The following PPP1R9A variants were observed in gnomAD, a reference collection of about 807,000 sequenced individuals.
PPP1R9A encodes neurabin-1.
In PPP1R9A, 59 loss-of-function variants were observed where a neutral mutation model predicts 141.9. The observed-to-expected ratio is 0.42, with a 90% CI of 0.34 to 0.52. PPP1R9A has a LOEUF of 0.52. Among genes scored for constraint, PPP1R9A ranks in the 20% least tolerant of loss-of-function variants. PPP1R9A has a pLI of 0.10. For missense variants in PPP1R9A, 1,444 were observed against 1,611.9 expected, an observed-to-expected ratio of 0.90 and a Z score of 1.78; for synonymous variants, 500 against 569.7, an observed-to-expected ratio of 0.88 and a Z score of 1.74.
Position 95,051,315 on chromosome 7 carries a change from A to G in PPP1R9A, c.1396-59944A>G, listed in dbSNP as rs115294410. 3.8e-3 allele frequency among the ~76,000 whole-genome samples: 576 copies of G among 152,122 alleles called. 6 individuals carry two copies. Among genetic ancestry groups the G allele is most frequent in the African/African-American group, 0.013 (544 of 41,494 alleles). On this transcript the variant is annotated intron_variant, in intron 2 of 19. Coordinates refer to ENST00000433360, the MANE Select transcript of PPP1R9A (RefSeq NM_001166160.2). ...AGCATATTTATATGGGTGTGTTTCT[A>G]GGCTATCGTGTACAATTGATCTGTT...
At chr7:94,928,457 G>A (rs779594255) in intron 2 of PPP1R9A, among the ~76,000 whole-genome samples, 40 of 152,246 alleles carry the variant, frequency 2.6e-4, no homozygotes, top group Non-Finnish European at 4.0e-4. Flanking sequence ...TTTTCTCTCT[G>A]TTCTTTCAGT....
intron 2 of PPP1R9A, among the ~76,000 whole-genome samples, chr7:95,032,263 A>G (rs1807793230): frequency 1.3e-5 from 2 of 152,188 alleles, no homozygotes; most frequent in African/African-American, 4.8e-5. Context: ...GAGTTAGTAG[A>G]TGGTGCAGGT....
At chr7:95,202,150 A>G (rs577412967) in intron 6 of PPP1R9A, among the ~76,000 whole-genome samples, 2 of 152,300 alleles carry the variant, frequency 1.3e-5, no homozygotes, top group South Asian at 2.1e-4. Context: ...ATGCTTAGAC[A>G]TATCTGTTTC....
chr7:95,108,914 C>G (rs1218434969), intron 2 of PPP1R9A: 1 of 152,058 alleles, frequency 6.6e-6, no homozygotes, highest in Non-Finnish European at 1.5e-5. Flanking sequence ...ACTGTTTAAA[C>G]CATTGTTTTG....
intron 4 of PPP1R9A, among the ~76,000 whole-genome samples, chr7:95,151,098 G>A (rs1482615299): frequency 6.6e-6 from 1 of 152,204 alleles, no homozygotes; most frequent in African/African-American, 2.4e-5. Flanking sequence ...GGGACAGACT[G>A]ACAGTTCTTT....
At chr7:95,128,069 G>A (rs540478838) in intron 4 of PPP1R9A, among the ~76,000 whole-genome samples, 3 of 152,136 alleles carry the variant, frequency 2.0e-5, no homozygotes, top group Admixed American at 1.3e-4. Context: ...TGGTACTTCT[G>A]TGTTCTTTGA....
intron 2 of PPP1R9A, among the ~76,000 whole-genome samples, chr7:95,104,843 C>T (rs1019662169): frequency 6.6e-6 from 1 of 152,222 alleles, no homozygotes; most frequent in East Asian, 1.9e-4. Flanking sequence ...TTGTTAGTTT[C>T]AATTTAGAGC....
chr7:94,937,311 C>CT (rs1794877615), intron 2 of PPP1R9A, among the ~76,000 whole-genome samples: 1 of 152,084 alleles, frequency 6.6e-6, no homozygotes. Context: ...GAGGCTGTTC[C>CT]CTTCACTGGA....
chr7:95,256,045 T>A (rs1799538573), intron 12 of PPP1R9A, among the ~76,000 whole-genome samples: 1 of 152,142 alleles, frequency 6.6e-6, no homozygotes, highest in African/African-American at 2.4e-5. Context: ...ATACTGCATG[T>A]TATCTTCCCA....
intron 2 of PPP1R9A, 132 bp from the exon 3 acceptor site, chr7:95,111,127 C>T: frequency 9.9e-7 from 1 of 1,010,736 alleles, no homozygotes; most frequent in Non-Finnish European, 1.4e-6. Flanking sequence ...CTTAACATCT[C>T]AATTGATTTT....
chr7:95,082,153 A>AATACTTGCTTTACGTTT (rs1223621147), intron 2 of PPP1R9A, among the ~76,000 whole-genome samples: 1 of 152,124 alleles, frequency 6.6e-6, no homozygotes, highest in African/African-American at 2.4e-5. Flanking sequence ...GTTTGTCATA[A>AATACTTGCTTTACGTTT]ATACTTGCTT....
chr7:95,275,403 C>CAA (rs10708689), intron 16 of PPP1R9A, among the ~76,000 whole-genome samples: 45 of 96,836 alleles, frequency 4.6e-4, no homozygotes, highest in African/African-American at 1.4e-3. Context: ...GACTCCGTCT[C>CAA]AAAAAAAAAA....
At chr7:95,249,542 C>T (rs1444512626) in intron 9 of PPP1R9A, among the ~76,000 whole-genome samples, 1 of 152,080 alleles carries the variant, frequency 6.6e-6, no homozygotes, top group Non-Finnish European at 1.5e-5. Context: ...AACTGGGATT[C>T]AAATCCATGC....
chr7:95,251,792 A>T lies in PPP1R9A; in HGVS notation c.2427A>T (p.Ala809=). Residue 809 remains alanine, a synonymous_variant, in exon 11 of 20, where the codon GCA becomes GCT. Transcript: ENST00000433360. ...KELDFIKRQE[A]ERKKIEDLEK... ...TTGATTTCATCAAAAGACAGGAAGC[A>T]GAAAGAAAGAAAATAGAAGATTTGG... 3 of 1,613,820 alleles carry T rather than the reference A, an allele frequency of 1.9e-6. No homozygotes were observed. Among genetic ancestry groups the T allele is most frequent in the Non-Finnish European group, 2.5e-6 (3 of 1,179,836 alleles).
intron 4 of PPP1R9A, among the ~76,000 whole-genome samples, chr7:95,147,817 G>C (rs142212964): frequency 0.01 from 1,587 of 152,220 alleles, 25 homozygotes; most frequent in African/African-American, 0.037. Flanking sequence ...TGCATATGTT[G>C]AACCAGCCTT....
chr7:95,075,493 T>C (rs1259563202), intron 2 of PPP1R9A, among the ~76,000 whole-genome samples: 2 of 152,062 alleles, frequency 1.3e-5, no homozygotes, highest in Admixed American at 6.6e-5. Context: ...GGGAGGTGGT[T>C]AGAATTTGGG....
At chr7:95,215,403 G>T (rs911050077) in intron 7 of PPP1R9A, among the ~76,000 whole-genome samples, 2 of 152,032 alleles carry the variant, frequency 1.3e-5, no homozygotes, top group African/African-American at 4.8e-5. Flanking sequence ...CCAAGTCCTT[G>T]CTATTGTGAA....
At chr7:94,990,146 T>C (rs1312480351) in intron 2 of PPP1R9A, among the ~76,000 whole-genome samples, 1 of 151,862 alleles carries the variant, frequency 6.6e-6, no homozygotes, top group Non-Finnish European at 1.5e-5. Flanking sequence ...ATTTAGGAGG[T>C]CAGTCTTAGT....
intron 2 of PPP1R9A, among the ~76,000 whole-genome samples, chr7:94,994,447 A>G (rs554163420): frequency 7.9e-5 from 12 of 152,326 alleles, no homozygotes; most frequent in Middle Eastern, 3.4e-3. Flanking sequence ...TGAGTCTTTC[A>G]CCATTAAGTA....
Sources: allele counts gnomAD v4.1 joint callset (sites outside exome capture counted in the v4.1 genomes callset), GRCh38; gene constraint gnomAD v4.1.1; transcripts MANE v1.5; gene names NCBI Gene and HGNC (gene_info 2026-07-23, HGNC 2026-07-21).